The following ITGA8 variants were observed in gnomAD, a reference collection of about 807,000 sequenced individuals.
The protein encoded by ITGA8 is integrin alpha-8.
A neutral mutation model predicts 142.3 loss-of-function variants in ITGA8; 91 were observed. The ratio of observed to expected loss-of-function variants is 0.64; its 90% CI spans 0.54 to 0.76. The LOEUF is 0.76. Ranked by LOEUF, ITGA8 falls within the 30% of genes least tolerant of loss-of-function variation. The pLI is 0.00. For missense variants in ITGA8, 1,406 were observed against 1,327.7 expected (o/e 1.06, Z -0.92); for synonymous variants, 505 against 485.2 (o/e 1.04, Z -0.54).
intron 8 of ITGA8, among the ~76,000 whole-genome samples, chr10:15,662,326 CTTTT>C (rs200922550): frequency 1.2e-4 from 9 of 72,722 alleles, no homozygotes; most frequent in African/African-American, 4.0e-4. Context: ...TCAGAAGGTC[CTTTT>C]TTTTTTTTTT....
rs553224493 is a variant in ITGA8 at position 15,664,710 on chromosome 10, C to T, written c.848-3788G>A. On this transcript the variant is annotated intron_variant, in intron 8 of 29. Coordinates refer to ENST00000378076, the MANE Select transcript of ITGA8 (RefSeq NM_003638.3). ...GTCCCCAGTGTGTGATGCTCCCCTT[C>T]CTGTGTCCATGTGCTCTCATTGTTC... Among the ~76,000 whole-genome samples the T allele has an allele frequency of 6.9e-5, 10 of 145,138 alleles. No individual in the cohort carries two copies. The East Asian group carries it at 8.7e-4, about 13-fold the overall frequency.
At chr10:15,525,534 A>C (rs374003422) in intron 28 of ITGA8, among the ~76,000 whole-genome samples, 1 of 146,764 alleles carries the variant, frequency 6.8e-6, no homozygotes, top group East Asian at 2.1e-4. Flanking sequence ...CCCAGCTACT[A>C]GGGAGGCCGA....
intron 4 of ITGA8, among the ~76,000 whole-genome samples, chr10:15,679,459 G>A (rs1834695222): frequency 6.6e-6 from 1 of 152,094 alleles, no homozygotes; most frequent in South Asian, 2.1e-4. Flanking sequence ...GTGCATGCCT[G>A]CAGGCCCAGC....
At position 15,707,764 on chromosome 10, in the gene ITGA8, G is replaced by A. The variant is rs141998878; in HGVS notation, c.343+11002C>T. 8.3e-3 allele frequency among the ~76,000 whole-genome samples: 1,263 copies of A among 151,312 alleles called. 18 individuals are homozygous for A. The highest frequency in any genetic ancestry group is 0.029 in the African/African-American group (1,204 of 41,170). ...CTTGAACCTGGGAGGTGGAGGTTGC[G>A]GTGAGCCTAGATTGTGCCACTACAC... On this transcript the variant is annotated intron_variant, in intron 2 of 29. Coordinates refer to ENST00000378076, the MANE Select transcript of ITGA8 (RefSeq NM_003638.3).
intron 3 of ITGA8, among the ~76,000 whole-genome samples, chr10:15,684,648 T>G (rs1247800406): frequency 6.6e-6 from 1 of 151,914 alleles, no homozygotes; most frequent in East Asian, 1.9e-4. Context: ...GCTGGAAATA[T>G]AGGGAAGAGC....
intron 27 of ITGA8, among the ~76,000 whole-genome samples, chr10:15,538,527 A>AAAAC (rs1564342023): frequency 8.0e-5 from 12 of 149,484 alleles, no homozygotes; most frequent in African/African-American, 2.8e-4. Flanking sequence ...AAAAAAAAAA[A>AAAAC]AAAACTATAG....
chr10:15,517,029 TC>T lies in ITGA8; in HGVS notation c.*128del. 1 of 501,466 alleles carries T rather than the reference TC, an allele frequency of 2.0e-6. No individual in the cohort carries two copies. Among genetic ancestry groups the T allele is most frequent in the Non-Finnish European group, 3.3e-6 (1 of 301,568 alleles). 31.1% of individuals were successfully genotyped at this position (501,466 alleles called of 1,614,324 possible). A position where few individuals can be genotyped will look rare whatever the true frequency, so the allele number is the denominator to read the frequency against. On this transcript the variant is annotated 3_prime_UTR_variant, in exon 30 of 30. Transcript: ENST00000378076. ...AGTGCGGTGTAGATGAGGTGATGTT[TC>T]CAGGGTCCCCTCCATTTCCTGGGTC...
At chr10:15,674,906 C>A (rs1288945260) in intron 6 of ITGA8, among the ~76,000 whole-genome samples, 1 of 150,352 alleles carries the variant, frequency 6.7e-6, no homozygotes, top group Non-Finnish European at 1.5e-5. Flanking sequence ...CACTACTGTA[C>A]TCCAACCTGG....
chr10:15,588,781 T>C (rs1046725847), intron 22 of ITGA8, among the ~76,000 whole-genome samples: 2 of 152,212 alleles, frequency 1.3e-5, no homozygotes, highest in Admixed American at 6.5e-5. Flanking sequence ...TAAATAGACA[T>C]TGAACATTGA....
chr10:15,632,250 A>G (rs1833697478), intron 13 of ITGA8, among the ~76,000 whole-genome samples: 2 of 150,754 alleles, frequency 1.3e-5, no homozygotes, highest in South Asian at 4.1e-4. Flanking sequence ...CTTTTTCAAT[A>G]GGATTGCCTC....
intron 4 of ITGA8, among the ~76,000 whole-genome samples, chr10:15,679,454 T>C (rs944414659): frequency 1.4e-4 from 21 of 152,152 alleles, no homozygotes; most frequent in African/African-American, 5.1e-4. Flanking sequence ...TGGTGGTGCA[T>C]GCCTGCAGGC....
chr10:15,560,497 A>G (rs1833955741), intron 25 of ITGA8, among the ~76,000 whole-genome samples: 1 of 152,222 alleles, frequency 6.6e-6, no homozygotes. Flanking sequence ...CAAATAAGGC[A>G]TGAAAACAAA....
chr10:15,688,506 A>G (rs1834875383), intron 2 of ITGA8, among the ~76,000 whole-genome samples: 1 of 152,104 alleles, frequency 6.6e-6, no homozygotes, highest in African/African-American at 2.4e-5. Flanking sequence ...TCCAAGGGCC[A>G]GCATTATCCT....
intron 29 of ITGA8, among the ~76,000 whole-genome samples, chr10:15,519,013 C>A (rs980996562): frequency 6.6e-6 from 1 of 152,082 alleles, no homozygotes; most frequent in Non-Finnish European, 1.5e-5. Context: ...AGATCACAGG[C>A]CTTAGTTAAT....
intron 19 of ITGA8, among the ~76,000 whole-genome samples, chr10:15,604,750 T>G (rs1833164422): frequency 6.6e-6 from 1 of 152,060 alleles, no homozygotes; most frequent in African/African-American, 2.4e-5. Flanking sequence ...GCTTCAGCAC[T>G]TCACTGAAAA....
chr10:15,598,522 A>G (rs1833046099), intron 20 of ITGA8, among the ~76,000 whole-genome samples: 8 of 152,170 alleles, frequency 5.3e-5, no homozygotes, highest in Admixed American at 5.2e-4. Flanking sequence ...TAGGTAAACC[A>G]CACACTTTGA....
intron 23 of ITGA8, among the ~76,000 whole-genome samples, chr10:15,575,940 C>CGTGTGTGT (rs34463146): frequency 2.0e-5 from 3 of 148,840 alleles, no homozygotes; most frequent in African/African-American, 7.4e-5. Flanking sequence ...CATGTGAGAA[C>CGTGTGTGT]GTGTGTGTGT....
intron 2 of ITGA8, among the ~76,000 whole-genome samples, chr10:15,710,683 A>G (rs1305973085): frequency 3.3e-5 from 5 of 152,204 alleles, no homozygotes; most frequent in Non-Finnish European, 7.3e-5. Context: ...CAGTTGTGTA[A>G]CTAGCGAGGC....
chr10:15,604,088 G>C (rs1044322112), intron 20 of ITGA8, 120 bp downstream of exon 20: 87 of 842,838 alleles, frequency 1.0e-4, no homozygotes, highest in South Asian at 2.3e-4. Context: ...AACAAAAGAA[G>C]GTATCATTTT....
Sources: allele counts gnomAD v4.1 joint callset (sites outside exome capture counted in the v4.1 genomes callset), GRCh38; gene constraint gnomAD v4.1.1; transcripts MANE v1.5; gene names NCBI Gene and HGNC (gene_info 2026-07-23, HGNC 2026-07-21).